TENM1: variants seen among roughly 807,000 people sequenced by gnomAD.
TENM1 encodes teneurin-1.
TENM1 carries 35 observed loss-of-function variants against 174.8 expected under a neutral mutation model. That is an observed-to-expected ratio of 0.20 (90% CI 0.15 to 0.27). The LOEUF is 0.27. Ranked by LOEUF, TENM1 falls within the 10% of genes least tolerant of loss-of-function variation. The pLI is 1.00. For missense variants in TENM1, 1,633 were observed against 2,130.1 expected (o/e 0.77, Z 4.59); for synonymous variants, 781 against 798.7 (o/e 0.98, Z 0.37).
At chrX:124,403,829 C>G (rs1216848766) in intron 27 of TENM1, among the ~76,000 whole-genome samples, 2 of 111,803 alleles carry the variant, frequency 1.8e-5, no homozygotes, top group African/African-American at 6.5e-5. Context: ...CTAAATCATT[C>G]GGATCACCTG....
the TENM1 span, among the ~76,000 whole-genome samples, chrX:125,080,799 A>T: frequency 9.1e-6 from 1 of 110,394 alleles, no homozygotes; most frequent in Admixed American, 9.7e-5. Flanking sequence ...CCAAAAGGCT[A>T]AAAATTCCTC....
At chrX:124,850,619 C>G (rs2056699784) in intron 3 of TENM1, among the ~76,000 whole-genome samples, 1 of 111,021 alleles carries the variant, frequency 9.0e-6, no homozygotes, top group Non-Finnish European at 1.9e-5. Flanking sequence ...GGAGGAATGA[C>G]TCGATTTTAT....
intron 3 of TENM1, among the ~76,000 whole-genome samples, chrX:124,877,750 A>G (rs1446836760): frequency 9.0e-6 from 1 of 111,376 alleles, no homozygotes; most frequent in East Asian, 2.8e-4. Context: ...CGACTACCAC[A>G]CAGTCAGAAA....
At chrX:124,912,031 G>A (rs1257512189) in intron 1 of TENM1, among the ~76,000 whole-genome samples, 2 of 111,799 alleles carry the variant, frequency 1.8e-5, no homozygotes, top group South Asian at 3.8e-4. Context: ...AATCCCTGCC[G>A]TCATGGAACT....
intron 28 of TENM1, among the ~76,000 whole-genome samples, chrX:124,391,132 T>C (rs1266756177): frequency 9.0e-6 from 1 of 111,465 alleles, no homozygotes; most frequent in Non-Finnish European, 1.9e-5. Flanking sequence ...ATCAGAAAAG[T>C]TGGGCATTAT....
chrX:124,466,818 C>T (rs769724174), intron 22 of TENM1, among the ~76,000 whole-genome samples: 3 of 111,283 alleles, frequency 2.7e-5, no homozygotes, highest in African/African-American at 9.8e-5. Context: ...TAGTAGCCTG[C>T]CTGCAGTTCT....
At chrX:124,385,715 T>C in exon 29 of TENM1, 8 of 1,203,384 alleles carry the variant, frequency 6.6e-6, no homozygotes, top group South Asian at 1.8e-5. Flanking sequence ...GAATCCGTCA[T>C]GCATCAGGTG....
chrX:124,889,204 C>T (rs948032806), intron 3 of TENM1, among the ~76,000 whole-genome samples: 2 of 110,972 alleles, frequency 1.8e-5, no homozygotes, highest in South Asian at 3.9e-4. Context: ...GGAATTGCTT[C>T]GAGAATCAAT....
intron 3 of TENM1, among the ~76,000 whole-genome samples, chrX:124,860,758 C>T (rs919550894): frequency 1.8e-5 from 2 of 111,430 alleles, no homozygotes; most frequent in African/African-American, 3.3e-5. Context: ...AAAGACCAAC[C>T]GCTTCGTTGG....
At chrX:124,603,126 C>T (rs764231934) in intron 11 of TENM1, among the ~76,000 whole-genome samples, 1 of 110,778 alleles carries the variant, frequency 9.0e-6, no homozygotes, top group Non-Finnish European at 1.9e-5. Context: ...TCCCCAGAGT[C>T]TCCAGAGGGA....
intron 28 of TENM1, among the ~76,000 whole-genome samples, chrX:124,386,359 C>G (rs1009347120): frequency 5.4e-5 from 6 of 111,427 alleles, no homozygotes; most frequent in African/African-American, 2.0e-4. Flanking sequence ...CCAGCTTACT[C>G]AGACTTGAGA....
chrX:125,036,374 G>A, the TENM1 span, among the ~76,000 whole-genome samples: 2 of 111,788 alleles, frequency 1.8e-5, no homozygotes, highest in Non-Finnish European at 3.8e-5. Flanking sequence ...TTTAACAGCC[G>A]AGAATTAACA....
intron 3 of TENM1, among the ~76,000 whole-genome samples, chrX:124,805,345 T>G (rs780118162): frequency 8.9e-6 from 1 of 112,124 alleles, no homozygotes; most frequent in African/African-American, 3.2e-5. Context: ...CAAATAGGCA[T>G]TAATAGAAGC....
chrX:125,181,424 A>C, the TENM1 span, among the ~76,000 whole-genome samples: 2 of 111,279 alleles, frequency 1.8e-5, no homozygotes, highest in Non-Finnish European at 3.8e-5. Flanking sequence ...CTGGGTTGCA[A>C]ACAAACGTAT....
At chrX:125,032,637 AG>A in the TENM1 span, among the ~76,000 whole-genome samples, 1 of 111,467 alleles carries the variant, frequency 9.0e-6, no homozygotes, top group Non-Finnish European at 1.9e-5. Context: ...TCCCCCAGAC[AG>A]TTTTCCAAAC....
chrX:124,576,409 A>G (rs1483054002), intron 11 of TENM1, among the ~76,000 whole-genome samples: 1 of 106,416 alleles, frequency 9.4e-6, no homozygotes, highest in Non-Finnish European at 1.9e-5. Context: ...GTGGTAGGCC[A>G]TGGGATTGCT....
intron 3 of TENM1, among the ~76,000 whole-genome samples, chrX:124,821,560 A>T (rs903549573): frequency 8.9e-6 from 1 of 112,363 alleles, no homozygotes. Flanking sequence ...CTGGCAAATG[A>T]CTCTTTAAAA....
chrX:124,549,530 TA>T (rs375379447), intron 14 of TENM1, among the ~76,000 whole-genome samples: 46 of 110,125 alleles, frequency 4.2e-4, no homozygotes, highest in Non-Finnish European at 1.7e-4. Context: ...AAAACGATCT[TA>T]AAAAAAAACT....
the TENM1 span, among the ~76,000 whole-genome samples, chrX:124,999,576 G>A: frequency 9.0e-6 from 1 of 111,027 alleles, no homozygotes; most frequent in South Asian, 3.8e-4. Context: ...TTACTATCTG[G>A]AGCACAGTGA....
Sources: allele counts gnomAD v4.1 joint callset (sites outside exome capture counted in the v4.1 genomes callset), GRCh38; gene constraint gnomAD v4.1.1; transcripts MANE v1.5; gene names NCBI Gene and HGNC (gene_info 2026-07-23, HGNC 2026-07-21).